Variants in CREM observed in about 807,000 individuals in gnomAD.
The protein encoded by CREM is cAMP responsive element modulator, also known as cAMP-responsive element modulator.
A neutral mutation model predicts 37.3 loss-of-function variants in CREM; 13 were observed. That is an observed-to-expected ratio of 0.35 (90% confidence interval 0.23 to 0.55). The LOEUF (loss-of-function observed/expected upper bound fraction) is 0.55, where lower values mean the gene tolerates loss of function less well. CREM is among the 20% of genes least tolerant of loss of function. The probability of loss-of-function intolerance (pLI) is 0.88; values close to 1 mark genes in which losing one functional copy is unlikely to be tolerated. For synonymous variants in CREM, 124 were observed against 120.2 expected (o/e 1.03, Z -0.21); for missense variants, 296 against 362.3 (o/e 0.82, Z 1.49).
At chr10:35,185,351 A>G (rs1000728627) in intron 5 of CREM, among the ~76,000 whole-genome samples, 4 of 151,936 alleles carry the variant, frequency 2.6e-5, no homozygotes, top group African/African-American at 9.7e-5. Context: ...TGATCCACCA[A>G]CCTCGGCCTC....
intron 7 of CREM, 21 bp from the exon 8 acceptor site, chr10:35,211,233 T>A (rs2095659775): frequency 6.2e-7 from 1 of 1,608,958 alleles, no homozygotes; most frequent in African/African-American, 1.3e-5. Context: ...CCTGTAGTCA[T>A]TTGCCTTGTG....
At chr10:35,167,260 G>A (rs2093600644) in intron 3 of CREM, among the ~76,000 whole-genome samples, 1 of 152,130 alleles carries the variant, frequency 6.6e-6, no homozygotes, top group Non-Finnish European at 1.5e-5. Context: ...TCTCTTAAAT[G>A]CTTTTTCCCC....
At chr10:35,194,097 C>CAAAA (rs371978117) in intron 6 of CREM, among the ~76,000 whole-genome samples, 317 of 25,030 alleles carry the variant, frequency 0.013, 29 homozygotes, top group African/African-American at 0.042. Context: ...GACTTCATCT[C>CAAAA]AAAAAAAAAA....
At chr10:35,186,655 A>T (rs1190099127) in intron 5 of CREM, among the ~76,000 whole-genome samples, 1 of 143,004 alleles carries the variant, frequency 7.0e-6, no homozygotes, top group South Asian at 2.1e-4. Flanking sequence ...GTTATATATA[A>T]CATATGACAT....
At chr10:35,206,395 G>A (rs1044837894) in intron 6 of CREM, among the ~76,000 whole-genome samples, 3 of 152,048 alleles carry the variant, frequency 2.0e-5, no homozygotes, top group Non-Finnish European at 4.4e-5. Context: ...GTGCTCTGTG[G>A]GTATTGGCAT....
intron 2 of CREM, among the ~76,000 whole-genome samples, chr10:35,138,979 A>G (rs965483847): frequency 6.6e-6 from 1 of 152,152 alleles, no homozygotes; most frequent in Non-Finnish European, 1.5e-5. Flanking sequence ...GGATCCCAGT[A>G]TATTCAAAAC....
Position 35,158,263 on chromosome 10 carries a change from G to A in CREM, c.168+9772G>A, listed in dbSNP as rs547870612. 2.7e-4 allele frequency: 43 copies of A among 157,354 alleles called. 1 individual carries two copies. The highest frequency in any genetic ancestry group is 2.5e-3 in the Admixed American group (38 of 15,348). 9.7% of individuals were successfully genotyped at this position (157,354 alleles called of 1,614,324 possible). ...AGGACCACAAAAGACCCCAAATAGC[G>A]AAAGGAATATTGAACCAAAAGAATG... On this transcript the variant is annotated intron_variant, in intron 3 of 7. Transcript: ENST00000685392.
At chr10:35,175,586 T>C (rs933388279) in intron 3 of CREM, 2 of 1,343,464 alleles carry the variant, frequency 1.5e-6, no homozygotes, top group Non-Finnish European at 2.1e-6. Context: ...TTTAGAACTT[T>C]GTGCTTGGAA....
chr10:35,157,318 C>T (rs1181858956), intron 3 of CREM, among the ~76,000 whole-genome samples: 1 of 152,046 alleles, frequency 6.6e-6, no homozygotes, highest in African/African-American at 2.4e-5. Context: ...AAAGCTTTTT[C>T]TCTAAGATCT....
chr10:35,146,108 G>C (rs993387771), intron 2 of CREM, among the ~76,000 whole-genome samples: 4 of 152,238 alleles, frequency 2.6e-5, no homozygotes, highest in African/African-American at 9.6e-5. Flanking sequence ...TGTAGACTAT[G>C]CTAAATGAAT....
intron 6 of CREM, among the ~76,000 whole-genome samples, chr10:35,197,948 G>A (rs187821350): frequency 6.6e-6 from 1 of 152,150 alleles, no homozygotes; most frequent in Non-Finnish European, 1.5e-5. Context: ...TAATTATCAC[G>A]GCAAAGTGGA....
intron 5 of CREM, among the ~76,000 whole-genome samples, chr10:35,184,743 G>T (rs1382778503): frequency 1.3e-5 from 2 of 152,028 alleles, no homozygotes; most frequent in Non-Finnish European, 2.9e-5. Context: ...AAAGTTTTTT[G>T]ATCAGAACTG....
chr10:35,195,923 T>C, intron 6 of CREM: 1 of 744,834 alleles, frequency 1.3e-6, no homozygotes, highest in Non-Finnish European at 2.2e-6. Flanking sequence ...CTGACAGATT[T>C]AGAGTTAACT....
At chr10:35,129,950 A>G (rs2088988701) in intron 1 of CREM, among the ~76,000 whole-genome samples, 1 of 152,040 alleles carries the variant, frequency 6.6e-6, no homozygotes. Context: ...TAATCCCAGC[A>G]TTTTGGGAGG....
At chr10:35,155,386 A>G (rs907701561) in intron 3 of CREM, among the ~76,000 whole-genome samples, 4 of 152,132 alleles carry the variant, frequency 2.6e-5, no homozygotes, top group African/African-American at 9.7e-5. Context: ...TCATTTTTTA[A>G]TGGGTATGGA....
At chr10:35,176,128 G>T (rs2094060224) in intron 3 of CREM, 4 of 1,311,684 alleles carry the variant, frequency 3.0e-6, no homozygotes, top group Non-Finnish European at 4.1e-6. Context: ...ATATTTGGAG[G>T]AATCTCTTCT....
intron 3 of CREM, chr10:35,154,005 C>T (rs2092748341): frequency 2.5e-6 from 1 of 397,932 alleles, no homozygotes; most frequent in Non-Finnish European, 4.4e-6. Flanking sequence ...GTGACTGACT[C>T]TTCTGAATTT....
At chr10:35,142,588 A>G (rs1292318312) in intron 2 of CREM, among the ~76,000 whole-genome samples, 3 of 152,172 alleles carry the variant, frequency 2.0e-5, no homozygotes, top group Admixed American at 2.0e-4. Flanking sequence ...TTTGAGGTTG[A>G]AAACCAAGAA....
At chr10:35,160,141 A>G (rs549968573) in intron 3 of CREM, among the ~76,000 whole-genome samples, 4 of 152,334 alleles carry the variant, frequency 2.6e-5, no homozygotes, top group African/African-American at 9.6e-5. Context: ...TGTATGGTAC[A>G]GCCTGTTATT....
Sources: gnomAD v4.1 joint callset for allele counts (sites outside exome capture counted in the v4.1 genomes callset) on GRCh38, gnomAD v4.1.1 for gene constraint, MANE v1.5 for transcripts, NCBI Gene and HGNC (gene_info 2026-07-23, HGNC 2026-07-21) for gene names.